Variants in CPSF4 observed in about 807,000 individuals in gnomAD.
The protein encoded by CPSF4 is cleavage and polyadenylation specific factor 4.
CPSF4 carries 11 observed loss-of-function variants against 37.7 expected under a neutral mutation model. The observed-to-expected ratio is 0.29, with a 90% CI of 0.18 to 0.48. The LOEUF (loss-of-function observed/expected upper bound fraction) is 0.48, where lower values mean the gene tolerates loss of function less well. Among genes scored for constraint, CPSF4 ranks in the 20% least tolerant of loss-of-function variants. The probability of loss-of-function intolerance (pLI) is 0.99; values close to 1 mark genes in which losing one functional copy is unlikely to be tolerated. For missense variants in CPSF4, 144 were observed against 359.5 expected, an observed-to-expected ratio of 0.40 and a Z score of 4.85; for synonymous variants, 132 against 135.9, an observed-to-expected ratio of 0.97 and a Z score of 0.20.
At position 99,451,433 on chromosome 7, in the gene CPSF4, C is replaced by T. The variant is rs529023284; in HGVS notation, c.497+638C>T. On this transcript the variant is annotated intron_variant, in intron 5 of 7. Transcript: ENST00000292476. Reference sequence around the variant, plus strand: ...TAGCCTGGCCAATATGGTGAAACCCCGTCTCTACTAAAAATACAAAAATTA... The same window carrying T: ...TAGCCTGGCCAATATGGTGAAACCCTGTCTCTACTAAAAATACAAAAATTA... Among the ~76,000 whole-genome samples the T allele has an allele frequency of 9.2e-5, 14 of 152,264 alleles. No homozygotes were observed. In the East Asian group the frequency reaches 2.7e-3, roughly 29 times the overall value.
chr7:99,446,199 CT>C (rs1208299246), intron 2 of CPSF4, among the ~76,000 whole-genome samples: 2 of 152,182 alleles, frequency 1.3e-5, no homozygotes, highest in African/African-American at 4.8e-5. Flanking sequence ...ATTCCCATGT[CT>C]TTGCTCAGTA....
chr7:99,452,467 G>A (rs1787917738), intron 6 of CPSF4, 27 bp downstream of exon 6: 3 of 1,600,556 alleles, frequency 1.9e-6, no homozygotes, highest in Admixed American at 3.3e-5. Context: ...TCCTCGGTAG[G>A]AAGGAAGTGC....
Position 99,439,179 on chromosome 7 carries a change from A to G in CPSF4, c.97A>G (p.Met33Val). The G allele has an allele frequency of 6.3e-7, 1 of 1,596,766 alleles. No homozygotes were observed. The highest frequency in any genetic ancestry group is 8.5e-7 in the Non-Finnish European group (1 of 1,173,192). The change falls in exon 1 of 8, where the codon ATG becomes GTG. Residue 33 changes from methionine to valine, a missense_variant. By Grantham distance (21) the Met-to-Val change is conservative. This residue lies in a region of CPSF4 where 42 missense variants were observed against 86.4 expected (regional missense o/e 0.49). Transcript: ENST00000292476. ...GGCGCAGCCGCTGCCCTTCCCCGGC[A>G]TGGACAGTGAGCGCGGGGCCCGGGC... ...LGAQPLPFPG[M>V]DKSGAAVCEF... is the part of the protein sequence containing the mutation.
rs1195402168 is a variant in CPSF4, at chr7:99,440,674, ATTTTT to A, written c.103+1504_103+1508del. ...ACCTGGCATATATATATATATATATATTTTTTTTTTTTTTTTTTTCCTGCCTGTCC... is the reference window on the plus strand; with the variant it reads ...ACCTGGCATATATATATATATATATATTTTTTTTTTTTTTCCTGCCTGTCC... On this transcript the variant is annotated intron_variant, in intron 1 of 7. Coordinates refer to ENST00000292476, the MANE Select transcript of CPSF4 (RefSeq NM_006693.4). 1.1e-3 allele frequency among the ~76,000 whole-genome samples: 101 copies of A among 88,082 alleles called. 7 individuals carry two copies. Among genetic ancestry groups the A allele is most frequent in the African/African-American group, 9.0e-3 (93 of 10,306 alleles). The allele number at this position is 88,082 out of a possible 152,430, so 57.8% of individuals were successfully genotyped here. A position where few individuals can be genotyped will look rare whatever the true frequency, so the allele number is the denominator to read the frequency against.
At chr7:99,441,611 G>T (rs909508242) in intron 1 of CPSF4, 4 of 442,934 alleles carry the variant, frequency 9.0e-6, no homozygotes, top group African/African-American at 8.0e-5. Flanking sequence ...ATCCACATGA[G>T]ACTCAGTTCC....
In CPSF4 at chr7:99,456,822, C is replaced by G. The variant is rs368117982; in HGVS notation, c.*322C>G. On this transcript the variant is annotated 3_prime_UTR_variant, in exon 8 of 8. Transcript: ENST00000292476. The stretch of plus-strand genomic sequence containing the variant: ...TGGGGAGGGGCTTGGCTAGGTAGTT[C>G]TGTGTGGCGGTGGTCATTCCCCTCA... The G allele has an allele frequency of 1.6e-5, 7 of 445,130 alleles. No individual in the cohort carries two copies. The highest frequency in any genetic ancestry group is 1.0e-4 in the Admixed American group (3 of 29,416). 27.6% of individuals were successfully genotyped at this position (445,130 alleles called of 1,614,324 possible). A position where few individuals can be genotyped will look rare whatever the true frequency, so the allele number is the denominator to read the frequency against.
chr7:99,441,454 T>G (rs996541375), intron 1 of CPSF4: 6 of 456,168 alleles, frequency 1.3e-5, no homozygotes, highest in African/African-American at 1.2e-4. Context: ...TCAGAGTCGG[T>G]AGGCACCCTC....
chr7:99,446,953 C>A (rs1300730686), intron 2 of CPSF4, among the ~76,000 whole-genome samples: 4 of 151,402 alleles, frequency 2.6e-5, no homozygotes, highest in African/African-American at 7.3e-5. Flanking sequence ...CCACGCCCAG[C>A]TAATTTTTTG....
intron 7 of CPSF4, among the ~76,000 whole-genome samples, chr7:99,456,048 C>T (rs113698216): frequency 0.013 from 1,954 of 152,326 alleles, 38 homozygotes; most frequent in African/African-American, 0.044. Flanking sequence ...GGTCCCCAGA[C>T]GGGGTGGCGG....
chr7:99,452,084 C>T (rs373855981), intron 5 of CPSF4, among the ~76,000 whole-genome samples: 7 of 152,294 alleles, frequency 4.6e-5, no homozygotes, highest in African/African-American at 1.7e-4. Context: ...TTTGTCATTT[C>T]CGAGAAGCAC....
intron 1 of CPSF4, among the ~76,000 whole-genome samples, chr7:99,443,991 T>C (rs1230106536): frequency 1.3e-5 from 2 of 152,192 alleles, no homozygotes; most frequent in African/African-American, 4.8e-5. Flanking sequence ...GCACTTAATG[T>C]GCTTCCCCCT....
At position 99,448,282 on chromosome 7, in the gene CPSF4, C is replaced by G. The variant is rs186621987; in HGVS notation, c.307+9C>G. ...CTTCTACTCCAAGTTCGGTAAGGCGCCTGGAGCCCTGGAGGCTCTGCTGAG... is the reference window on the plus strand; with the variant it reads ...CTTCTACTCCAAGTTCGGTAAGGCGGCTGGAGCCCTGGAGGCTCTGCTGAG... On this transcript the variant is annotated intron_variant, in intron 3 of 7. Coordinates refer to ENST00000292476, the MANE Select transcript of CPSF4 (RefSeq NM_006693.4). The surrounding 1 kb of genome is among the most constrained non-coding windows in gnomAD (Gnocchi z 4.4). The G allele has an allele frequency of 1.1e-5, 17 of 1,613,576 alleles. No individual in the cohort carries two copies. Among genetic ancestry groups the G allele is most frequent in the Admixed American group, 1.7e-5 (1 of 59,976 alleles).
chr7:99,456,268 C>CT (rs1798303696), intron 7 of CPSF4, 164 bp from the exon 8 acceptor site: 2 of 658,106 alleles, frequency 3.0e-6, no homozygotes, highest in Non-Finnish European at 5.4e-6. Flanking sequence ...CCCTCACCCT[C>CT]TAATTTGAAA....
At chr7:99,450,546 G>T in intron 4 of CPSF4, 156 bp from the exon 5 acceptor site, 1 of 761,672 alleles carries the variant, frequency 1.3e-6, no homozygotes. Context: ...TGGGTGGGTG[G>T]TGGTCCACCC....
rs45523940 is a variant in CPSF4 at position 99,449,476 on chromosome 7, G to A, written c.308-800G>A. Among the ~76,000 whole-genome samples the A allele has an allele frequency of 4.8e-3, 736 of 152,330 alleles. 2 individuals carry two copies. Among genetic ancestry groups the A allele is most frequent in the African/African-American group, 0.017 (703 of 41,580 alleles). ...CTCCTGGGCAGGCTCTTAAGGCACC[G>A]CTATACAAGTGGCCTGAGGGTCGCT... On this transcript the variant is annotated intron_variant, in intron 3 of 7. Coordinates refer to ENST00000292476, the MANE Select transcript of CPSF4 (RefSeq NM_006693.4).
At chr7:99,449,800 A>G (rs1797807138) in intron 3 of CPSF4, among the ~76,000 whole-genome samples, 1 of 152,200 alleles carries the variant, frequency 6.6e-6, no homozygotes, top group South Asian at 2.1e-4. Flanking sequence ...GCGGAAGACT[A>G]AGAAGGGGCT....
intron 1 of CPSF4, chr7:99,441,440 G>A (rs1388153484): frequency 6.6e-6 from 3 of 456,240 alleles, no homozygotes; most frequent in Non-Finnish European, 1.3e-5. Flanking sequence ...CTCCAGCCAG[G>A]GCTTCAGAGT....
intron 2 of CPSF4, among the ~76,000 whole-genome samples, chr7:99,445,896 CAAAAA>C (rs1309384239): frequency 1.4e-5 from 2 of 143,992 alleles, no homozygotes; most frequent in African/African-American, 5.1e-5. Flanking sequence ...CAAAACAAAA[CAAAAA>C]AAAAAGAAAG....
intron 1 of CPSF4, among the ~76,000 whole-genome samples, chr7:99,440,675 T>TATATATATATATATATATATA (rs1491236759): frequency 5.8e-4 from 43 of 74,750 alleles, no homozygotes; most frequent in African/African-American, 1.6e-3. Context: ...TATATATATA[T>TATATATATATATATATATATA]TTTTTTTTTT....
Sources: allele counts gnomAD v4.1 joint callset (sites outside exome capture counted in the v4.1 genomes callset), GRCh38; gene constraint gnomAD v4.1.1; regional missense constraint gnomAD v4.1.1; non-coding constraint Gnocchi (gnomAD v3.1); transcripts MANE v1.5; gene names NCBI Gene and HGNC (gene_info 2026-07-23, HGNC 2026-07-21).